The following MIER1 variants were observed in gnomAD, a reference collection of about 807,000 sequenced individuals.
MIER1 encodes mesoderm induction early response protein 1.
A neutral mutation model predicts 75.7 loss-of-function variants in MIER1; 40 were observed. The ratio of observed to expected loss-of-function variants is 0.53; its 90% CI spans 0.41 to 0.69. The LOEUF is 0.69. Among genes scored for constraint, MIER1 ranks in the 30% least tolerant of loss-of-function variants. The pLI is 0.00. For synonymous variants in MIER1, 213 were observed against 223.4 expected, an observed-to-expected ratio of 0.95 and a Z score of 0.42; for missense variants, 574 against 680.2, an observed-to-expected ratio of 0.84 and a Z score of 1.74.
chr1:66,963,845 T>C (rs1661759195), intron 8 of MIER1, among the ~76,000 whole-genome samples: 1 of 151,292 alleles, frequency 6.6e-6, no homozygotes, highest in African/African-American at 2.4e-5. Context: ...GAGGCAGAGG[T>C]TGCAGTGAGC....
intron 4 of MIER1, among the ~76,000 whole-genome samples, chr1:66,957,757 T>C (rs1660462550): frequency 6.6e-6 from 1 of 152,144 alleles, no homozygotes; most frequent in Non-Finnish European, 1.5e-5. Flanking sequence ...TAACTGTCAT[T>C]GTGCATATAC....
intron 3 of MIER1, among the ~76,000 whole-genome samples, chr1:66,943,724 AC>A (rs1656798169): frequency 6.6e-6 from 1 of 152,030 alleles, no homozygotes; most frequent in African/African-American, 2.4e-5. Context: ...CTGGCCTAAT[AC>A]CAATATTTTC....
At chr1:66,973,046 T>C (rs867690991) in intron 11 of MIER1, 55 bp downstream of exon 11, 1 of 888,750 alleles carries the variant, frequency 1.1e-6, no homozygotes, top group Middle Eastern at 2.2e-4. Context: ...ACAACTCAAA[T>C]GGTCATGTAT....
chr1:66,959,991 G>A (rs1173717036), intron 7 of MIER1: 1 of 227,118 alleles, frequency 4.4e-6, no homozygotes. Context: ...GGCTGAGGCA[G>A]GCGGATCGCT....
chr1:66,929,668 C>T (rs892983975), intron 2 of MIER1, among the ~76,000 whole-genome samples: 1 of 152,130 alleles, frequency 6.6e-6, no homozygotes, highest in African/African-American at 2.4e-5. Context: ...GTGTTGCTAC[C>T]GGCATGACAG....
chr1:66,925,380 G>T, intron 1 of MIER1: 1 of 985,466 alleles, frequency 1.0e-6, no homozygotes, highest in Non-Finnish European at 1.2e-6. Flanking sequence ...ATCCGCTGCG[G>T]AGTGAGTTCG....
intron 4 of MIER1, among the ~76,000 whole-genome samples, chr1:66,954,066 C>G (rs1029655552): frequency 2.0e-5 from 3 of 152,166 alleles, no homozygotes; most frequent in African/African-American, 7.2e-5. Flanking sequence ...TCACCAGGAC[C>G]TCCATCTCTC....
At chr1:66,978,380 C>A (rs901332789) in intron 12 of MIER1, among the ~76,000 whole-genome samples, 1 of 152,114 alleles carries the variant, frequency 6.6e-6, no homozygotes, top group African/African-American at 2.4e-5. Context: ...GGGTATGATT[C>A]ACCCTTGGAA....
At chr1:66,959,387 T>C (rs1485575493) in intron 6 of MIER1, among the ~76,000 whole-genome samples, 1 of 152,210 alleles carries the variant, frequency 6.6e-6, no homozygotes, top group African/African-American at 2.4e-5. Flanking sequence ...AAAAATAAAC[T>C]GTCATGAAAT....
Position 66,925,003 on chromosome 1 carries a change from GCT to G in MIER1, c.-23_-22del, listed in dbSNP as rs1281574365. On this transcript the variant is annotated 5_prime_UTR_variant, in exon 1 of 14. Transcript: ENST00000401041. ...GGCCCGGGCCTCAGGCCCCTCCCAG[GCT>G]CTGAGTCTCCCGGCTGCAGGCGGAT... 4.5e-6 allele frequency: 7 copies of G among 1,545,958 alleles called. No homozygotes were observed. In the South Asian group the frequency reaches 5.9e-5, roughly 13 times the overall value.
chr1:66,945,359 G>C (rs979513693), intron 3 of MIER1, among the ~76,000 whole-genome samples: 11 of 147,436 alleles, frequency 7.5e-5, no homozygotes, highest in Non-Finnish European at 1.5e-4. Flanking sequence ...TAGTTATACT[G>C]TGTTGTTTGG....
intron 4 of MIER1, among the ~76,000 whole-genome samples, chr1:66,952,022 A>G (rs1659081371): frequency 6.6e-6 from 1 of 152,252 alleles, no homozygotes; most frequent in Non-Finnish European, 1.5e-5. Flanking sequence ...CAAGAATAAT[A>G]TATCTAAAGC....
intron 3 of MIER1, among the ~76,000 whole-genome samples, chr1:66,943,699 C>T (rs1656791803): frequency 6.6e-6 from 1 of 152,140 alleles, no homozygotes; most frequent in Admixed American, 6.6e-5. Context: ...GGATTACAGA[C>T]ATGAGCCACT....
At chr1:66,930,751 T>C (rs1189477891) in intron 2 of MIER1, among the ~76,000 whole-genome samples, 1 of 152,126 alleles carries the variant, frequency 6.6e-6, no homozygotes, top group Non-Finnish European at 1.5e-5. Flanking sequence ...CTGCTTCCTC[T>C]TGCGAAGTTT....
chr1:66,985,868 A>G lies in MIER1; in HGVS notation c.*968A>G. ...TCTACTTAAGGGCAAGTAATTTGAG[A>G]ATTCTGAAATTAAGCATGATGCTTA... On this transcript the variant is annotated 3_prime_UTR_variant, in exon 14 of 14. Transcript: ENST00000401041. 1 of 898,480 alleles carries G rather than the reference A, an allele frequency of 1.1e-6. No individual in the cohort carries two copies. Among genetic ancestry groups the G allele is most frequent in the Non-Finnish European group, 1.3e-6 (1 of 754,196 alleles). The allele number at this position is 898,480 out of a possible 1,614,324, so 55.7% of individuals were successfully genotyped here. A position where few individuals can be genotyped will look rare whatever the true frequency, so the allele number is the denominator to read the frequency against.
chr1:66,929,280 T>C (rs1652530478), intron 2 of MIER1: 3 of 342,508 alleles, frequency 8.8e-6, no homozygotes, highest in South Asian at 8.5e-5. Context: ...CTTTTGAAAC[T>C]GCATTAAGAG....
At chr1:66,965,386 TATTTATATTATAA>T (rs1224970981) in intron 8 of MIER1, among the ~76,000 whole-genome samples, 1 of 151,846 alleles carries the variant, frequency 6.6e-6, no homozygotes, top group Non-Finnish European at 1.5e-5. Context: ...TATATTTTAG[TATTTATATTATAA>T]ATTTATATTA....
At position 66,930,748 on chromosome 1, in the gene MIER1, C is replaced by T. The variant is rs531433556; in HGVS notation, c.168+4506C>T. Among the ~76,000 whole-genome samples the T allele has an allele frequency of 7.9e-4, 120 of 152,254 alleles. 1 individual carries two copies. The highest frequency in any genetic ancestry group is 7.9e-3 in the South Asian group (38 of 4,824). On this transcript the variant is annotated intron_variant, in intron 2 of 13. Transcript: ENST00000401041. ...GGGCCAGGAGAGAAGCTGCTGCTTCCTCTTGCGAAGTTTTTTCCCTTCCTA... is the reference window on the plus strand; with the variant it reads ...GGGCCAGGAGAGAAGCTGCTGCTTCTTCTTGCGAAGTTTTTTCCCTTCCTA...
rs761671806 is a variant in MIER1 at position 66,958,167 on chromosome 1, G to T, written c.448G>T (p.Asp150Tyr). The T allele has an allele frequency of 2.6e-5, 42 of 1,601,222 alleles. No individual in the cohort carries two copies. The highest frequency in any genetic ancestry group is 3.3e-5 in the Non-Finnish European group (38 of 1,168,504). The change falls in exon 5 of 14, where the codon GAT becomes TAT. Residue 150 changes from aspartate to tyrosine, a missense_variant. Physicochemically the swap from Asp to Tyr is radical, Grantham distance 160 (BLOSUM62 -3). Transcript: ENST00000401041. ...EEEEEEEEGE[D>Y]DEDADNDDNS... ...GGAAGAAGAGGAAGAAGAAGGTGAAGATGATGAAGATGCTGATAATGATGA... is the reference window on the plus strand; with the variant it reads ...GGAAGAAGAGGAAGAAGAAGGTGAATATGATGAAGATGCTGATAATGATGA...
Sources: allele counts gnomAD v4.1 joint callset (sites outside exome capture counted in the v4.1 genomes callset), GRCh38; gene constraint gnomAD v4.1.1; transcripts MANE v1.5; gene names NCBI Gene and HGNC (gene_info 2026-07-23, HGNC 2026-07-21).